Variants in PKHD1 observed in about 807,000 individuals in gnomAD.
PKHD1 encodes the protein PKHD1 ciliary IPT domain containing fibrocystin/polyductin, also known as fibrocystin.
A neutral mutation model predicts 412.0 loss-of-function variants in PKHD1; 291 were observed. The ratio of observed to expected loss-of-function variants is 0.71; its 90% confidence interval spans 0.64 to 0.78. PKHD1 has a LOEUF of 0.78. Ranked by LOEUF, PKHD1 falls within the 30% of genes least tolerant of loss-of-function variation. The probability of loss-of-function intolerance (pLI) is 0.00; values close to 1 mark genes in which losing one functional copy is unlikely to be tolerated. For missense variants in PKHD1, 4,825 were observed against 4,950.7 expected (o/e 0.97, Z 0.76); for synonymous variants, 1,777 against 1,821.5 (o/e 0.98, Z 0.62).
rs533023087 is a variant in PKHD1, at chr6:51,737,101, T to C, written c.10156+7284A>G. ...TCTCCACAGTGGTTTATAACTTTCTTTCTTGAGAAGTGTCCAAGAAGTAAC... is the reference window on the plus strand; with the variant it reads ...TCTCCACAGTGGTTTATAACTTTCTCTCTTGAGAAGTGTCCAAGAAGTAAC... On this transcript the variant is annotated intron_variant, in intron 60 of 66. Transcript: ENST00000371117. Among the ~76,000 whole-genome samples the C allele has an allele frequency of 5.9e-5, 9 of 152,306 alleles. No homozygotes were observed. The East Asian group carries it at 1.7e-3, about 29-fold the overall frequency.
chr6:51,686,992 T>C (rs540001201), intron 60 of PKHD1, among the ~76,000 whole-genome samples: 81 of 152,330 alleles, frequency 5.3e-4, no homozygotes, highest in African/African-American at 1.6e-3. Flanking sequence ...CACTTTCTCT[T>C]GGTTTTCAGA....
intron 55 of PKHD1, among the ~76,000 whole-genome samples, chr6:51,766,836 G>A (rs966024223): frequency 2.6e-5 from 4 of 151,904 alleles, no homozygotes; most frequent in Non-Finnish European, 5.9e-5. Context: ...ATCACATTTT[G>A]TAACTGACAT....
chr6:51,960,544 C>T (rs897782564), intron 35 of PKHD1, among the ~76,000 whole-genome samples: 2 of 152,110 alleles, frequency 1.3e-5, no homozygotes, highest in Non-Finnish European at 2.9e-5. Context: ...GGCTCTACTG[C>T]CAAGAGTCCC....
intron 50 of PKHD1, among the ~76,000 whole-genome samples, chr6:51,842,702 T>C (rs1363603145): frequency 6.6e-6 from 1 of 152,164 alleles, no homozygotes; most frequent in Non-Finnish European, 1.5e-5. Context: ...CCTATTGTGA[T>C]GAAGACCTCC....
intron 65 of PKHD1, among the ~76,000 whole-genome samples, chr6:51,629,432 C>T (rs1023266247): frequency 1.3e-5 from 2 of 151,892 alleles, no homozygotes; most frequent in Non-Finnish European, 2.9e-5. Context: ...CAAAAGAAGA[C>T]ATACATGTGG....
chr6:51,771,510 T>A (rs911574030), intron 55 of PKHD1, among the ~76,000 whole-genome samples: 1 of 151,870 alleles, frequency 6.6e-6, no homozygotes, highest in African/African-American at 2.4e-5. Context: ...TCCCAGCTAC[T>A]TGGGAGGCTG....
Position 52,020,858 on chromosome 6 carries a change from T to C in PKHD1, c.5380+1943A>G, listed in dbSNP as rs1581781546. 3.9e-5 allele frequency among the ~76,000 whole-genome samples: 6 copies of C among 152,148 alleles called. 1 individual carries two copies. The highest frequency in any genetic ancestry group is 3.9e-4 in the Admixed American group (6 of 15,286). On this transcript the variant is annotated intron_variant, in intron 33 of 66. Transcript: ENST00000371117. ...AGAAATTAGTAGTAGTTTCTAGTAA[T>C]GTCTAAGACCTATCCCCTTTGACAT...
At chr6:52,053,289 A>T (rs1807172260) in intron 20 of PKHD1, 38 bp from the exon 21 acceptor site, 1 of 1,605,842 alleles carries the variant, frequency 6.2e-7, no homozygotes, top group Non-Finnish European at 8.5e-7. Context: ...GCTCTCAGGG[A>T]GCACTTGCAG....
intron 35 of PKHD1, among the ~76,000 whole-genome samples, chr6:52,007,664 T>G (rs761549560): frequency 9.9e-5 from 15 of 152,180 alleles, no homozygotes; most frequent in Non-Finnish European, 1.9e-4. Context: ...GGGTGATAAA[T>G]TACATAGTCA....
chr6:51,948,319 C>A (rs1477016649), intron 36 of PKHD1, among the ~76,000 whole-genome samples: 1 of 152,126 alleles, frequency 6.6e-6, no homozygotes, highest in Non-Finnish European at 1.5e-5. Flanking sequence ...GCCTATCAAA[C>A]CTTACAGCGT....
Position 51,906,210 on chromosome 6 carries a change from C to T in PKHD1, c.6808+5G>A, listed in dbSNP as rs398124490. ...GCAGAAATTCAACAAGCTTGTTTTA[C>T]TTACCAACTAGCAGCGCATGACCTA... On this transcript the variant is annotated splice_donor_5th_base_variant and intron_variant, in intron 41 of 66. Coordinates refer to ENST00000371117, the MANE Select transcript of PKHD1 (RefSeq NM_138694.4). 2.5e-6 allele frequency: 4 copies of T among 1,610,968 alleles called. No homozygotes were observed. Among genetic ancestry groups the T allele is most frequent in the Non-Finnish European group, 2.5e-6 (3 of 1,177,518 alleles).
At position 52,046,124 on chromosome 6, in the gene PKHD1, G is replaced by A. The variant is rs1478003327; in HGVS notation, c.2472C>T (p.Phe824=). 3.7e-6 allele frequency: 6 copies of A among 1,613,476 alleles called. 1 individual carries two copies. In the South Asian group the frequency reaches 6.6e-5, roughly 18 times the overall value. The change falls in exon 24 of 67, where the codon TTC becomes TTT. Residue 824 remains phenylalanine (F), a synonymous_variant. Coordinates refer to ENST00000371117, the MANE Select transcript of PKHD1 (RefSeq NM_138694.4). ...CACTGGCATTGAGGTACCTGGATGT[G>A]AAGTCATCGGCATTATTCTGTAAGA... The part of the protein sequence containing the change: ...HQLLQNNADD[F]TSRYLNASDF...
chr6:51,943,485 G>A (rs1395037210), intron 36 of PKHD1, among the ~76,000 whole-genome samples: 1 of 150,772 alleles, frequency 6.6e-6, no homozygotes, highest in East Asian at 1.9e-4. Flanking sequence ...CCCTGCTCTT[G>A]TTTACACTGC....
chr6:52,010,615 T>A (rs1000805371), intron 34 of PKHD1, among the ~76,000 whole-genome samples, 156 bp from the exon 35 acceptor site: 3 of 152,216 alleles, frequency 2.0e-5, no homozygotes, highest in African/African-American at 7.2e-5. Context: ...TTCCATTCTT[T>A]TATTGTTTAT....
intron 33 of PKHD1, among the ~76,000 whole-genome samples, chr6:52,021,933 T>C (rs187137617): frequency 2.5e-4 from 38 of 152,316 alleles, no homozygotes; most frequent in African/African-American, 9.1e-4. Flanking sequence ...AAATTAGGAA[T>C]AAAACTTAAA....
At chr6:51,982,157 C>G (rs1795445895) in intron 35 of PKHD1, among the ~76,000 whole-genome samples, 1 of 45,230 alleles carries the variant, frequency 2.2e-5, no homozygotes, top group Non-Finnish European at 5.0e-5. Flanking sequence ...GCGTCTCCGC[C>G]CGGCAGCCAC....
At chr6:51,685,488 A>G (rs761484971) in intron 60 of PKHD1, among the ~76,000 whole-genome samples, 13 of 152,128 alleles carry the variant, frequency 8.5e-5, no homozygotes, top group Non-Finnish European at 1.5e-4. Flanking sequence ...ATATTACAAA[A>G]CAATGTTAAA....
At chr6:51,916,321 T>C (rs1473894579) in intron 37 of PKHD1, among the ~76,000 whole-genome samples, 4 of 152,180 alleles carry the variant, frequency 2.6e-5, no homozygotes, top group Non-Finnish European at 5.9e-5. Flanking sequence ...CAAACATTTA[T>C]TGAAAACTTA....
chr6:51,914,135 A>G (rs906493901), intron 37 of PKHD1, among the ~76,000 whole-genome samples: 1 of 152,164 alleles, frequency 6.6e-6, no homozygotes, highest in South Asian at 2.1e-4. Context: ...ATTAATATGC[A>G]ACAAATACCT....
Sources: allele counts gnomAD v4.1 joint callset (sites outside exome capture counted in the v4.1 genomes callset), GRCh38; gene constraint gnomAD v4.1.1; transcripts MANE v1.5; gene names NCBI Gene and HGNC (gene_info 2026-07-23, HGNC 2026-07-21).